The following HECW1 variants were observed in gnomAD, a reference collection of about 807,000 sequenced individuals.
The protein encoded by HECW1 is E3 ubiquitin-protein ligase HECW1.
In HECW1, 61 loss-of-function variants were observed where a neutral mutation model predicts 182.3. That is an observed-to-expected ratio of 0.33 (90% confidence interval 0.27 to 0.41). The LOEUF (loss-of-function observed/expected upper bound fraction) is 0.41, where lower values mean the gene tolerates loss of function less well. Among genes scored for constraint, HECW1 ranks in the 10% least tolerant of loss-of-function variants. The pLI is 1.00. For missense variants in HECW1, 1,739 were observed against 2,108.9 expected (o/e 0.82, Z 3.44); for synonymous variants, 859 against 832.6 (o/e 1.03, Z -0.55).
Position 43,561,919 on chromosome 7 carries a change from T to A in HECW1, c.4814T>A (p.Leu1605His). 1 of 1,597,360 alleles carries A rather than the reference T, an allele frequency of 6.3e-7. No individual in the cohort carries two copies. The highest frequency in any genetic ancestry group is 8.6e-7 in the Non-Finnish European group (1 of 1,164,738). The stretch of plus-strand genomic sequence containing the variant: ...GTAGAGGAAACCAGCACCTTTGGAC[T>A]TGAGTGAGGACATGGAACCTCGCCT... ...TAVEETSTFG[L>H]E Residue 1605 changes from leucine (L) to histidine (H), a missense_variant, in exon 30 of 30, where the codon CTT (leucine) becomes CAT (histidine). Coordinates refer to ENST00000395891, the MANE Select transcript of HECW1 (RefSeq NM_015052.5).
At chr7:43,347,160 G>T (rs911180589) in intron 5 of HECW1, among the ~76,000 whole-genome samples, 1 of 152,044 alleles carries the variant, frequency 6.6e-6, no homozygotes, top group Non-Finnish European at 1.5e-5. Context: ...TGTCATCTGT[G>T]ATTTCTTTCA....
intron 17 of HECW1, among the ~76,000 whole-genome samples, chr7:43,490,727 T>C (rs1259923278): frequency 6.6e-6 from 1 of 152,202 alleles, no homozygotes; most frequent in Non-Finnish European, 1.5e-5. Flanking sequence ...ATTTACAAAA[T>C]TTAAAATTGA....
intron 5 of HECW1, among the ~76,000 whole-genome samples, chr7:43,338,360 A>AT (rs1278203368): frequency 3.9e-5 from 6 of 151,926 alleles, no homozygotes; most frequent in African/African-American, 9.7e-5. Context: ...CTCACCAGGG[A>AT]TTTTTTATTT....
rs144054779 is a variant in HECW1 at position 43,224,120 on chromosome 7, G to A, written c.-31-19755G>A. 4.2e-3 allele frequency among the ~76,000 whole-genome samples: 635 copies of A among 152,300 alleles called. 3 individuals carry two copies. The highest frequency in any genetic ancestry group is 0.014 in the African/African-American group (602 of 41,568). On this transcript the variant is annotated intron_variant, in intron 2 of 29. Coordinates refer to ENST00000395891, the MANE Select transcript of HECW1 (RefSeq NM_015052.5). ...AAGCTCTGTGACTGTGGAAAAAAGA[G>A]CTTTGATTATTTTAGTCACTGCTGT...
chr7:43,438,930 A>G (rs1221356698), intron 9 of HECW1: 2 of 152,248 alleles, frequency 1.3e-5, no homozygotes, highest in African/African-American at 4.8e-5. Flanking sequence ...GTCTTAATTT[A>G]AAGTTCTTTG....
chr7:43,140,025 G>A (rs1001667675), intron 2 of HECW1, among the ~76,000 whole-genome samples: 2 of 152,044 alleles, frequency 1.3e-5, no homozygotes, highest in Non-Finnish European at 2.9e-5. Flanking sequence ...GTCTAATAAA[G>A]GTTATTTGCA....
chr7:43,388,806 A>G (rs1382280929), intron 6 of HECW1, among the ~76,000 whole-genome samples: 1 of 152,190 alleles, frequency 6.6e-6, no homozygotes, highest in African/African-American at 2.4e-5. Context: ...CTGTGAGCCA[A>G]AGAAAACCCC....
At chr7:43,127,523 CAAAAAAAAAAAA>C (rs71562078) in intron 2 of HECW1, among the ~76,000 whole-genome samples, 3 of 57,280 alleles carry the variant, frequency 5.2e-5, no homozygotes, top group Non-Finnish European at 9.5e-5. Context: ...AACTCCATCT[CAAAAAAAAAAAA>C]AAAAAAAAAA....
intron 2 of HECW1, among the ~76,000 whole-genome samples, chr7:43,158,511 C>G (rs1328756424): frequency 2.0e-5 from 3 of 152,098 alleles, no homozygotes; most frequent in Admixed American, 2.0e-4. Flanking sequence ...TGGGTGCATA[C>G]AAAATATGTA....
intron 2 of HECW1, among the ~76,000 whole-genome samples, chr7:43,163,891 G>A (rs750492620): frequency 1.3e-5 from 2 of 152,166 alleles, no homozygotes; most frequent in African/African-American, 2.4e-5. Flanking sequence ...TGTAAAGAAG[G>A]AAGTCATTGT....
chr7:43,485,757 C>T (rs908096948), intron 17 of HECW1, among the ~76,000 whole-genome samples: 3 of 152,132 alleles, frequency 2.0e-5, no homozygotes, highest in African/African-American at 7.2e-5. Context: ...GCTTGAAGGA[C>T]GGAAGTGGCT....
At chr7:43,544,165 T>A (rs1231601051) in intron 26 of HECW1, among the ~76,000 whole-genome samples, 1 of 152,268 alleles carries the variant, frequency 6.6e-6, no homozygotes, top group East Asian at 1.9e-4. Context: ...AGAAGTCATC[T>A]GACATAGTCA....
At chr7:43,384,838 C>A (rs924550865) in intron 6 of HECW1, among the ~76,000 whole-genome samples, 53 of 152,208 alleles carry the variant, frequency 3.5e-4, no homozygotes, top group African/African-American at 1.2e-3. Flanking sequence ...ACTGTCTGAC[C>A]CAGATGGAAC....
intron 3 of HECW1, among the ~76,000 whole-genome samples, chr7:43,284,516 A>G (rs1163033695): frequency 6.6e-6 from 1 of 151,400 alleles, no homozygotes; most frequent in Non-Finnish European, 1.5e-5. Context: ...AAAAAAAAAA[A>G]AAAAAAAAGA....
In HECW1 at chr7:43,554,797, A is replaced by G; in HGVS notation, c.4709+7A>G. ...AAATTACTTCTCTCCCCAGGTACAG[A>G]GCTCCTGCCAGCCTTCGGGGAAACC... On this transcript the variant is annotated splice_region_variant and intron_variant, in intron 29 of 29. Transcript: ENST00000395891. 6.2e-7 allele frequency: 1 copy of G among 1,611,030 alleles called. No individual in the cohort carries two copies. Among genetic ancestry groups the G allele is most frequent in the Non-Finnish European group, 8.5e-7 (1 of 1,178,452 alleles).
chr7:43,516,162 C>T (rs2080137837), intron 24 of HECW1, among the ~76,000 whole-genome samples: 1 of 152,112 alleles, frequency 6.6e-6, no homozygotes, highest in South Asian at 2.1e-4. Context: ...GTCGTTTCTT[C>T]CCGAAAATGT....
At chr7:43,208,503 C>G (rs189105049) in intron 2 of HECW1, among the ~76,000 whole-genome samples, 236 of 152,354 alleles carry the variant, frequency 1.5e-3, no homozygotes, top group African/African-American at 5.5e-3. Flanking sequence ...TTTTCTATCA[C>G]TGAGAGTCCC....
intron 23 of HECW1, chr7:43,508,579 C>A: frequency 4.0e-6 from 1 of 248,488 alleles, no homozygotes; most frequent in Non-Finnish European, 7.8e-6. Context: ...TCAGTCCACC[C>A]ACATACACAT....
At chr7:43,280,421 C>T (rs530811862) in intron 3 of HECW1, among the ~76,000 whole-genome samples, 1 of 152,284 alleles carries the variant, frequency 6.6e-6, no homozygotes, top group South Asian at 2.1e-4. Context: ...GATTAAAATG[C>T]CGAGTCACAC....
Sources: allele counts gnomAD v4.1 joint callset (sites outside exome capture counted in the v4.1 genomes callset), GRCh38; gene constraint gnomAD v4.1.1; transcripts MANE v1.5; gene names NCBI Gene and HGNC (gene_info 2026-07-23, HGNC 2026-07-21).